Variants in LRP8 observed in about 807,000 individuals in gnomAD.
LRP8 encodes LDL receptor related protein 8.
A neutral mutation model predicts 111.6 loss-of-function variants in LRP8; 46 were observed. The ratio of observed to expected loss-of-function variants is 0.41; its 90% CI spans 0.33 to 0.53. LRP8 has a LOEUF of 0.53. LRP8 is among the 20% of genes least tolerant of loss of function. LRP8 has a pLI of 0.20. For missense variants in LRP8, 959 were observed against 1,297.4 expected (o/e 0.74, Z 4.01); for synonymous variants, 464 against 511.2 (o/e 0.91, Z 1.24).
At chr1:53,270,600 C>A (rs1646727952) in intron 8 of LRP8, among the ~76,000 whole-genome samples, 1 of 152,084 alleles carries the variant, frequency 6.6e-6, no homozygotes, top group Non-Finnish European at 1.5e-5. Context: ...GAAAACTAGA[C>A]AAAGAAAATG....
chr1:53,322,823 C>A (rs987340842), intron 2 of LRP8, among the ~76,000 whole-genome samples: 3 of 152,128 alleles, frequency 2.0e-5, no homozygotes, highest in Non-Finnish European at 4.4e-5. Context: ...GAGCTGTGGC[C>A]GAGCTTTAAT....
intron 3 of LRP8, chr1:53,289,261 C>G (rs903140759): frequency 3.0e-5 from 7 of 231,138 alleles, no homozygotes; most frequent in Non-Finnish European, 5.1e-5. Context: ...TCGGGGTCCT[C>G]AAGAACAGCA....
chr1:53,274,857 A>C (rs1226512073), intron 6 of LRP8: 1 of 456,150 alleles, frequency 2.2e-6, no homozygotes, highest in Non-Finnish European at 4.4e-6. Flanking sequence ...AGTGCCTGTG[A>C]GACCTTGGAC....
intron 2 of LRP8, among the ~76,000 whole-genome samples, chr1:53,290,607 T>C (rs1269397616): frequency 2.0e-5 from 3 of 152,250 alleles, no homozygotes; most frequent in African/African-American, 7.2e-5. Flanking sequence ...AGAATGCAGG[T>C]ACCATCCCCA....
chr1:53,310,269 C>T (rs1405755143), intron 2 of LRP8, among the ~76,000 whole-genome samples: 2 of 152,086 alleles, frequency 1.3e-5, no homozygotes, highest in African/African-American at 4.8e-5. Flanking sequence ...CAGCCTTGCC[C>T]CCTCCTGCCA....
At chr1:53,327,695 C>G in intron 1 of LRP8, 94 bp downstream of exon 1, 3 of 1,319,824 alleles carry the variant, frequency 2.3e-6, no homozygotes, top group East Asian at 3.4e-5. Context: ...CCGATAGCCC[C>G]GGGTTCTGGA....
In LRP8 at chr1:53,279,784, G is replaced by A. The variant is rs1284849383; in HGVS notation, c.496+803C>T. Among the ~76,000 whole-genome samples the A allele has an allele frequency of 6.6e-6, 1 of 152,220 alleles. No homozygotes were observed. The highest frequency in any genetic ancestry group is 2.4e-5 in the African/African-American group (1 of 41,466). ...CCGCACAGCCTAGTAGCGACAGCCA[G>A]TCTGTCTCCCCCACTAATCATGTGT... On this transcript the variant is annotated intron_variant, in intron 4 of 18. Transcript: ENST00000306052. The surrounding 1 kb of genome is among the most constrained non-coding windows in gnomAD (Gnocchi z 4.4).
chr1:53,273,516 C>G (rs944025072), intron 6 of LRP8, among the ~76,000 whole-genome samples: 9 of 152,218 alleles, frequency 5.9e-5, no homozygotes, highest in African/African-American at 2.2e-4. Context: ...TGTGTACGTA[C>G]TCCTCTTTGG....
intron 2 of LRP8, among the ~76,000 whole-genome samples, chr1:53,295,933 G>T (rs768843134): frequency 6.6e-6 from 1 of 152,172 alleles, no homozygotes; most frequent in Non-Finnish European, 1.5e-5. Context: ...GGACTAGCCC[G>T]TGTTGACACA....
rs747397762 is a variant in LRP8 at position 53,326,880 on chromosome 1, G to T, written c.237C>A (p.Asp79Glu). The T allele has an allele frequency of 6.2e-7, 1 of 1,612,550 alleles. No homozygotes were observed. The highest frequency in any genetic ancestry group is 2.2e-5 in the East Asian group (1 of 44,756). ...DDDCLDHSDE[D>E]DCPKKTCADS... ...CCCTGGCCCGCCACTCACGGCAGTC[G>T]TCCTCGTCGCTGTGGTCTAAGCAGT... The change falls in exon 2 of 19, where the codon GAC (aspartate) becomes GAA (glutamate). Residue 79 changes from aspartate to glutamate, a missense_variant. Transcript: ENST00000306052.
intron 3 of LRP8, among the ~76,000 whole-genome samples, chr1:53,283,598 C>CGCTT (rs368107868): frequency 2.2e-3 from 104 of 46,922 alleles, no homozygotes; most frequent in Middle Eastern, 0.024. Context: ...ATACCCGGGC[C>CGCTT]ACTTACTTAC....
intron 16 of LRP8, among the ~76,000 whole-genome samples, chr1:53,252,928 T>G (rs1645943718): frequency 6.6e-6 from 1 of 152,140 alleles, no homozygotes. Flanking sequence ...AATATATAAA[T>G]CAGTGAAGGA....
rs976675859 is a variant in LRP8 at position 53,280,494 on chromosome 1, G to A, written c.496+93C>T. 24 of 1,519,134 alleles carry A rather than the reference G, an allele frequency of 1.6e-5. No homozygotes were observed. In the South Asian group the frequency reaches 1.6e-4, roughly 10 times the overall value. 94.1% of individuals were successfully genotyped at this position (1,519,134 alleles called of 1,614,324 possible). On this transcript the variant is annotated intron_variant, in intron 4 of 18. Transcript: ENST00000306052. ...TTTCCTCTCCACCACCAAGCCCCAC[G>A]GGGAACTGGGCCCCCTCCCCAGAAG...
rs1645877144 is a variant in LRP8, at chr1:53,250,968, C to T, written c.2504-106G>A. 1.1e-6 allele frequency: 1 copy of T among 907,558 alleles called. No homozygotes were observed. Among genetic ancestry groups the T allele is most frequent in the South Asian group, 1.5e-5 (1 of 65,922 alleles). The allele number at this position is 907,558 out of a possible 1,614,324, so 56.2% of individuals were successfully genotyped here. A position where few individuals can be genotyped will look rare whatever the true frequency, so the allele number is the denominator to read the frequency against. ...TCCACTTTTACTACCCTTTGCTCCTCAGGCTCTGTTTCTGCATGTTCTTTT... is the reference window on the plus strand; with the variant it reads ...TCCACTTTTACTACCCTTTGCTCCTTAGGCTCTGTTTCTGCATGTTCTTTT... On this transcript the variant is annotated intron_variant, in intron 16 of 18. Transcript: ENST00000306052. The surrounding 1 kb of genome is among the most constrained non-coding windows in gnomAD (Gnocchi z 4.6).
chr1:53,290,363 T>C (rs141608277), intron 2 of LRP8, among the ~76,000 whole-genome samples: 2 of 152,164 alleles, frequency 1.3e-5, no homozygotes, highest in African/African-American at 4.8e-5. Flanking sequence ...GCCTACATTT[T>C]CTTATCTATA....
intron 2 of LRP8, among the ~76,000 whole-genome samples, chr1:53,308,211 A>T (rs954281861): frequency 1.3e-5 from 2 of 152,258 alleles, no homozygotes; most frequent in Non-Finnish European, 2.9e-5. Context: ...TGCAGGGCAC[A>T]CTTCAAGGCA....
chr1:53,266,639 T>C lies in LRP8; in HGVS notation c.1261A>G (p.Ser421Gly), dbSNP rs1214229111. ...CGGTTGGTGAAGATTAGGGATGGGCTCTTGCCAGCTGTCATGCAGGGAGGT... is the reference window on the plus strand; with the variant it reads ...CGGTTGGTGAAGATTAGGGATGGGCCCTTGCCAGCTGTCATGCAGGGAGGT... ...TKNCKAAAGKSPSLIFTNRHE... is the reference protein window; with the variant it reads ...TKNCKAAAGKGPSLIFTNRHE... The change falls in exon 9 of 19, where the codon AGC (serine) becomes GGC (glycine). Residue 421 changes from serine to glycine, a missense_variant. Ser to Gly is a moderately conservative substitution (Grantham distance 56). Transcript: ENST00000306052. This position sits in a 1 kb window ranked among gnomAD's most constrained non-coding sequence, Gnocchi z 5.0. The C allele has an allele frequency of 6.2e-7, 1 of 1,613,928 alleles. No individual in the cohort carries two copies. The highest frequency in any genetic ancestry group is 2.2e-5 in the East Asian group (1 of 44,870).
chr1:53,327,875 G>A lies in LRP8; in HGVS notation c.38C>T (p.Ala13Val), dbSNP rs1360837775. 1 of 1,499,678 alleles carries A rather than the reference G, an allele frequency of 6.7e-7. No homozygotes were observed. Among genetic ancestry groups the A allele is most frequent in the Admixed American group, 2.1e-5 (1 of 48,688 alleles). The allele number at this position is 1,499,678 out of a possible 1,614,324, so 92.9% of individuals were successfully genotyped here. A position where few individuals can be genotyped will look rare whatever the true frequency, so the allele number is the denominator to read the frequency against. ...LPEPGPLRLL[A>V]LLLLLLLLLL... ...CAGCAGCAGCAGCAGCAGCAGCAGC[G>A]CCAGAAGCCGGAGAGGGCCCGGCTC... The change falls in exon 1 of 19, where the codon GCG becomes GTG. Residue 13 changes from alanine (A) to valine (V), a missense_variant. Ala to Val is a moderately conservative substitution (Grantham distance 64). Transcript: ENST00000306052.
intron 2 of LRP8, among the ~76,000 whole-genome samples, chr1:53,302,857 T>C (rs1351153672): frequency 7.0e-5 from 4 of 57,520 alleles, no homozygotes; most frequent in African/African-American, 7.4e-5. Context: ...ACCCAGCTAA[T>C]TTTTTTTTTT....
Sources: allele counts gnomAD v4.1 joint callset (sites outside exome capture counted in the v4.1 genomes callset), GRCh38; gene constraint gnomAD v4.1.1; non-coding constraint Gnocchi (gnomAD v3.1); transcripts MANE v1.5; gene names NCBI Gene and HGNC (gene_info 2026-07-23, HGNC 2026-07-21).